The following LYPLA1 variants were observed in gnomAD, a reference collection of about 807,000 sequenced individuals.
The protein encoded by LYPLA1 is acyl-protein thioesterase 1.
In LYPLA1, 17 loss-of-function variants were observed where a neutral mutation model predicts 34.0. The ratio of observed to expected loss-of-function variants is 0.50; its 90% CI spans 0.34 to 0.75. The LOEUF (loss-of-function observed/expected upper bound fraction) is 0.75. Among genes scored for constraint, LYPLA1 ranks in the 30% least tolerant of loss-of-function variants. LYPLA1 has a pLI of 0.01. For synonymous variants in LYPLA1, 98 were observed against 100.8 expected, an observed-to-expected ratio of 0.97 and a Z score of 0.17; for missense variants, 203 against 288.8, an observed-to-expected ratio of 0.70 and a Z score of 2.15.
At chr8:54,059,781 G>T (rs1806466725) in intron 5 of LYPLA1, among the ~76,000 whole-genome samples, 1 of 152,118 alleles carries the variant, frequency 6.6e-6, no homozygotes, top group Admixed American at 6.5e-5. Flanking sequence ...AATTAGCCAG[G>T]CATGGTGGCA....
At chr8:54,057,960 AAAAT>A (rs1225276803) in intron 5 of LYPLA1, among the ~76,000 whole-genome samples, 1 of 152,204 alleles carries the variant, frequency 6.6e-6, no homozygotes, top group Non-Finnish European at 1.5e-5. Context: ...TGAAAATAAA[AAAAT>A]AAAATTTTAA....
At chr8:54,094,073 A>T (rs556850920) in intron 2 of LYPLA1, among the ~76,000 whole-genome samples, 56 of 152,344 alleles carry the variant, frequency 3.7e-4, no homozygotes, top group African/African-American at 1.3e-3. Flanking sequence ...TTTATTTTAA[A>T]TCCTCACCTT....
intron 2 of LYPLA1, among the ~76,000 whole-genome samples, chr8:54,086,950 C>T (rs1808838785): frequency 6.6e-6 from 1 of 152,060 alleles, no homozygotes; most frequent in Non-Finnish European, 1.5e-5. Flanking sequence ...TACACCATGA[C>T]CAGGAGAGAT....
At chr8:54,049,745 C>T (rs148479583) in intron 8 of LYPLA1, among the ~76,000 whole-genome samples, 1 of 152,164 alleles carries the variant, frequency 6.6e-6, no homozygotes, top group Non-Finnish European at 1.5e-5. Flanking sequence ...CACTGAAGAA[C>T]AGATTTCCTA....
chr8:54,070,604 T>C (rs1447711700), intron 2 of LYPLA1, among the ~76,000 whole-genome samples: 5 of 151,796 alleles, frequency 3.3e-5, no homozygotes, highest in African/African-American at 1.2e-4. Flanking sequence ...ATGCCTGTAG[T>C]ACCAGCGACT....
At chr8:54,060,680 T>C (rs1341382937) in intron 5 of LYPLA1, among the ~76,000 whole-genome samples, 2 of 150,164 alleles carry the variant, frequency 1.3e-5, no homozygotes, top group Non-Finnish European at 2.9e-5. Context: ...ATTAACAACT[T>C]TTTTCTTCCT....
intron 1 of LYPLA1, chr8:54,101,402 G>A: frequency 1.9e-6 from 2 of 1,058,590 alleles, no homozygotes; most frequent in Non-Finnish European, 1.1e-6. Flanking sequence ...AGAGTGCGAG[G>A]TGACAATAAG....
At position 54,051,006 on chromosome 8, in the gene LYPLA1, A is replaced by G. The variant is rs530931828; in HGVS notation, c.639+6T>C. 5.6e-6 allele frequency: 9 copies of G among 1,599,026 alleles called. No individual in the cohort carries two copies. In the South Asian group the frequency reaches 6.7e-5, roughly 12 times the overall value. On this transcript the variant is annotated splice_donor_region_variant and intron_variant, in intron 8 of 8. Coordinates refer to ENST00000316963, the MANE Select transcript of LYPLA1 (RefSeq NM_006330.4). Reference sequence around the variant, plus strand: ...ATGGCGCTGATCACTGCTTCTAGACACCTACCTGTTGACACGAACTGTGCA... The same window carrying G: ...ATGGCGCTGATCACTGCTTCTAGACGCCTACCTGTTGACACGAACTGTGCA...
intron 8 of LYPLA1, 34 bp downstream of exon 8, chr8:54,050,978 A>G: frequency 6.6e-7 from 1 of 1,519,138 alleles, no homozygotes; most frequent in Non-Finnish European, 8.9e-7. Context: ...AAAAGTTACA[A>G]ATATGGCGCT....
At position 54,078,096 on chromosome 8, in the gene LYPLA1, G is replaced by A. The variant is rs113340752; in HGVS notation, c.102-12283C>T. Among the ~76,000 whole-genome samples the A allele has an allele frequency of 7.7e-3, 1,167 of 151,910 alleles. 14 individuals are homozygous for A. Among genetic ancestry groups the A allele is most frequent in the African/African-American group, 0.026 (1,076 of 41,418 alleles). ...CTCCTGAGTAGCTGGGATTTCAGGCGTGCACCACCACGCCCTGCTAATTTT... is the reference window on the plus strand; with the variant it reads ...CTCCTGAGTAGCTGGGATTTCAGGCATGCACCACCACGCCCTGCTAATTTT... On this transcript the variant is annotated intron_variant, in intron 2 of 8. Coordinates refer to ENST00000316963, the MANE Select transcript of LYPLA1 (RefSeq NM_006330.4).
chr8:54,100,170 G>C (rs764967511), intron 2 of LYPLA1: 3 of 151,996 alleles, frequency 2.0e-5, no homozygotes, highest in Non-Finnish European at 4.4e-5. Context: ...TTGAGTAAAA[G>C]ATAAATCATG....
chr8:54,063,963 T>A (rs145362469), intron 3 of LYPLA1, among the ~76,000 whole-genome samples: 1 of 152,348 alleles, frequency 6.6e-6, no homozygotes, highest in African/African-American at 2.4e-5. Context: ...ACACTCTAAC[T>A]ACATCTCACC....
chr8:54,085,720 AG>A (rs944457144), intron 2 of LYPLA1, among the ~76,000 whole-genome samples: 1 of 150,724 alleles, frequency 6.6e-6, no homozygotes, highest in African/African-American at 2.4e-5. Flanking sequence ...CTGTCTGACA[AG>A]TGAGGAGCCC....
intron 2 of LYPLA1, among the ~76,000 whole-genome samples, chr8:54,098,606 G>A (rs1405553652): frequency 6.6e-6 from 1 of 152,134 alleles, no homozygotes; most frequent in Non-Finnish European, 1.5e-5. Flanking sequence ...ACTTGAACCC[G>A]AGTGGCAGAG....
Position 54,047,028 on chromosome 8 carries a change from T to G in LYPLA1, c.*1037A>C, listed in dbSNP as rs1386175472. ...GGTTTCAAACGTGTACAAAGTAAAC[T>G]CTATACTATGAGAAGATGAAATCAT... On this transcript the variant is annotated 3_prime_UTR_variant, in exon 9 of 9. Coordinates refer to ENST00000316963, the MANE Select transcript of LYPLA1 (RefSeq NM_006330.4). The G allele has an allele frequency of 1.3e-5, 2 of 152,156 alleles. No individual in the cohort carries two copies. The highest frequency in any genetic ancestry group is 4.8e-5 in the African/African-American group (2 of 41,454). The allele number at this position is 152,156 out of a possible 1,614,324, so 9.4% of individuals were successfully genotyped here.
intron 2 of LYPLA1, among the ~76,000 whole-genome samples, chr8:54,086,154 T>C (rs1238020992): frequency 6.6e-6 from 1 of 151,956 alleles, no homozygotes; most frequent in Non-Finnish European, 1.5e-5. Flanking sequence ...CTGAAACATG[T>C]GCTGTGTCCA....
intron 2 of LYPLA1, among the ~76,000 whole-genome samples, chr8:54,091,203 C>G (rs1453541734): frequency 6.6e-6 from 1 of 152,028 alleles, no homozygotes; most frequent in African/African-American, 2.4e-5. Context: ...ATACTAAGAA[C>G]CAGGCAGGGC....
At chr8:54,085,400 G>A (rs1308817969) in intron 2 of LYPLA1, among the ~76,000 whole-genome samples, 1 of 152,218 alleles carries the variant, frequency 6.6e-6, no homozygotes, top group African/African-American at 2.4e-5. Flanking sequence ...CCTCTGCACG[G>A]CCGCCACCCC....
downstream of LYPLA1, chr8:54,044,893 G>A (rs1207680380): frequency 1.3e-5 from 2 of 152,204 alleles, no homozygotes; most frequent in African/African-American, 2.4e-5. Context: ...CTGGCCACTG[G>A]AGATTGTACT....
Sources: allele counts gnomAD v4.1 joint callset (sites outside exome capture counted in the v4.1 genomes callset), GRCh38; gene constraint gnomAD v4.1.1; transcripts MANE v1.5; gene names NCBI Gene and HGNC (gene_info 2026-07-23, HGNC 2026-07-21).